The following RFC5 variants were observed in gnomAD, a reference collection of about 807,000 sequenced individuals.
RFC5 encodes A1 36 kDa subunit.
In RFC5, 26 loss-of-function variants were observed where a neutral mutation model predicts 44.3. The observed-to-expected ratio is 0.59, with a 90% CI of 0.43 to 0.81. The LOEUF is 0.81. Among genes scored for constraint, RFC5 ranks in the 40% least tolerant of loss-of-function variants. The probability of loss-of-function intolerance (pLI) is 0.00; values close to 1 mark genes in which losing one functional copy is unlikely to be tolerated. For missense variants in RFC5, 328 were observed against 418.6 expected (o/e 0.78, Z 1.89); for synonymous variants, 155 against 155.2 (o/e 1.00, Z 0.01).
At chr12:118,036,595 A>C, downstream of RFC5, 6 of 1,396,434 alleles carry the variant, frequency 4.3e-6, no homozygotes, top group Non-Finnish European at 4.9e-6. Context: ...CCACCACCAA[A>C]TCTGCAGGCC....
At chr12:118,017,942 A>G in intron 1 of RFC5, 2 of 683,254 alleles carry the variant, frequency 2.9e-6, no homozygotes, top group African/African-American at 1.8e-5. Context: ...CATCACCCCA[A>G]ATGGAAATCC....
rs1200158348 is a variant in RFC5 at position 118,027,084 on chromosome 12, C to T, written c.793+66C>T. ...GTGGCCCCAGGAGTTCAGGTTGCAG[C>T]CAGCACCCACACCTTGCTGGCAAAG... On this transcript the variant is annotated intron_variant, in intron 8 of 10. Coordinates refer to ENST00000454402, the MANE Select transcript of RFC5 (RefSeq NM_007370.7). The T allele has an allele frequency of 2.0e-6, 3 of 1,515,644 alleles. No homozygotes were observed. In the African/African-American group the frequency reaches 4.1e-5, roughly 21 times the overall value. 93.9% of individuals were successfully genotyped at this position (1,515,644 alleles called of 1,614,324 possible). A position where few individuals can be genotyped will look rare whatever the true frequency, so the allele number is the denominator to read the frequency against.
At chr12:118,029,366 CA>C (rs1470444626) in intron 9 of RFC5, among the ~76,000 whole-genome samples, 1 of 152,086 alleles carries the variant, frequency 6.6e-6, no homozygotes, top group Non-Finnish European at 1.5e-5. Flanking sequence ...TGCAGTGAGT[CA>C]TGATCACGCC....
At chr12:118,034,769 C>T (rs994942131), downstream of RFC5, 4 of 565,980 alleles carry the variant, frequency 7.1e-6, no homozygotes, top group African/African-American at 7.5e-5. Context: ...CATTAGGTGG[C>T]ATGACTTACA....
chr12:118,022,371 C>T lies in RFC5; in HGVS notation c.421+12C>T. On this transcript the variant is annotated intron_variant, in intron 5 of 10. Coordinates refer to ENST00000454402, the MANE Select transcript of RFC5 (RefSeq NM_007370.7). ...TGCCTTGAGAAGAGGTAAGCAGAGG[C>T]ACTGTGGAGCGTTTGGGCTGGTGTG... 6.3e-7 allele frequency: 1 copy of T among 1,594,280 alleles called. No individual in the cohort carries two copies. The highest frequency in any genetic ancestry group is 8.6e-7 in the Non-Finnish European group (1 of 1,161,960).
intron 5 of RFC5, among the ~76,000 whole-genome samples, chr12:118,024,296 G>A (rs1015700999): frequency 1.4e-4 from 21 of 151,414 alleles, no homozygotes; most frequent in Non-Finnish European, 2.2e-4. Flanking sequence ...AGCCAAGATC[G>A]TGCCATTGCA....
intron 1 of RFC5, among the ~76,000 whole-genome samples, chr12:118,018,763 C>A (rs1358397772): frequency 6.6e-6 from 1 of 152,102 alleles, no homozygotes; most frequent in African/African-American, 2.4e-5. Context: ...GGGTATGCCA[C>A]CATGCCCAGC....
intron 9 of RFC5, 66 bp from the exon 10 acceptor site, chr12:118,029,705 T>C (rs1249979971): frequency 1.9e-6 from 2 of 1,056,596 alleles, no homozygotes; most frequent in Non-Finnish European, 3.0e-6. Flanking sequence ...TGAAACTCAT[T>C]TGTCCTCTGT....
At chr12:118,032,350 A>C (rs544451693), downstream of RFC5, 1 of 152,350 alleles carries the variant, frequency 6.6e-6, no homozygotes, top group South Asian at 2.1e-4. Context: ...CTGATGGCCA[A>C]CCAGGCCTCA....
intron 10 of RFC5, among the ~76,000 whole-genome samples, chr12:118,030,424 G>A (rs539516365): frequency 3.3e-5 from 5 of 152,218 alleles, no homozygotes; most frequent in Non-Finnish European, 5.9e-5. Flanking sequence ...AAAAGGTGGC[G>A]AGATGAACTC....
At chr12:118,021,360 A>G (rs1320975915) in intron 4 of RFC5, among the ~76,000 whole-genome samples, 2 of 151,870 alleles carry the variant, frequency 1.3e-5, no homozygotes, top group African/African-American at 2.4e-5. Flanking sequence ...TACAGTCGTG[A>G]GCCATCACGC....
At chr12:118,038,664 C>T in the RFC5 span, among the ~76,000 whole-genome samples, 1 of 152,096 alleles carries the variant, frequency 6.6e-6, no homozygotes, top group African/African-American at 2.4e-5. Flanking sequence ...TGAAGGGGTA[C>T]ATTGATCACT....
chr12:118,028,631 A>G (rs1372563340), intron 9 of RFC5, among the ~76,000 whole-genome samples: 1 of 150,608 alleles, frequency 6.6e-6, no homozygotes, highest in East Asian at 1.9e-4. Flanking sequence ...GTATATATTA[A>G]TTCACATTTC....
At chr12:118,036,998 A>G (rs1258436455), downstream of RFC5, among the ~76,000 whole-genome samples, 1 of 152,152 alleles carries the variant, frequency 6.6e-6, no homozygotes, top group Admixed American at 6.5e-5. Flanking sequence ...CTTGGTCAAC[A>G]TGGCAAAACC....
chr12:118,039,733 ATTTC>A, the RFC5 span, among the ~76,000 whole-genome samples: 2 of 151,890 alleles, frequency 1.3e-5, no homozygotes, highest in South Asian at 2.1e-4. Context: ...AAAAATTAAT[ATTTC>A]TTTTTTATTT....
At chr12:118,034,816 A>G, downstream of RFC5, 1 of 634,688 alleles carries the variant, frequency 1.6e-6, no homozygotes, top group Non-Finnish European at 2.7e-6. Flanking sequence ...ATTCAGAGAA[A>G]ATGGGACACC....
chr12:118,033,995 T>C, downstream of RFC5: 2 of 673,010 alleles, frequency 3.0e-6, no homozygotes, highest in Non-Finnish European at 2.5e-6. Flanking sequence ...GTGGAATCTC[T>C]TCCTCTAAGA....
At chr12:118,027,492 C>G (rs536793297) in intron 8 of RFC5, 1 of 157,744 alleles carries the variant, frequency 6.3e-6, no homozygotes, top group Non-Finnish European at 1.4e-5. Flanking sequence ...GCCAACATGG[C>G]GAAACCCCGT....
intron 6 of RFC5, 123 bp downstream of exon 6, chr12:118,025,133 G>C: frequency 1.3e-6 from 1 of 778,516 alleles, no homozygotes; most frequent in South Asian, 1.9e-5. Context: ...CCTAGCACAG[G>C]GGAGGCACTG....
Sources: gnomAD v4.1 joint callset for allele counts (sites outside exome capture counted in the v4.1 genomes callset) on GRCh38, gnomAD v4.1.1 for gene constraint, MANE v1.5 for transcripts, NCBI Gene and HGNC (gene_info 2026-07-23, HGNC 2026-07-21) for gene names.